Variants in KATNIP observed in about 807,000 individuals in gnomAD.
KATNIP encodes the protein katanin interacting protein, also known as katanin-interacting protein.
Under a neutral mutation model 174.0 loss-of-function variants are expected in KATNIP, and 126 were observed. The ratio of observed to expected loss-of-function variants is 0.72; its 90% CI spans 0.63 to 0.84. The LOEUF (loss-of-function observed/expected upper bound fraction) is 0.84, where lower values mean the gene tolerates loss of function less well. KATNIP is among the 40% of genes least tolerant of loss of function. The pLI is 0.00. For synonymous variants in KATNIP, 810 were observed against 835.7 expected, an observed-to-expected ratio of 0.97 and a Z score of 0.53; for missense variants, 1,958 against 2,109.7, an observed-to-expected ratio of 0.93 and a Z score of 1.41.
chr16:27,601,301 A>G (rs769867976), intron 2 of KATNIP, among the ~76,000 whole-genome samples: 6 of 152,054 alleles, frequency 3.9e-5, no homozygotes, highest in Non-Finnish European at 8.8e-5. Context: ...ATGAACAGAG[A>G]TACTTTCAGA....
intron 5 of KATNIP, among the ~76,000 whole-genome samples, chr16:27,647,542 G>A (rs1376885212): frequency 7.0e-6 from 1 of 143,300 alleles, no homozygotes; most frequent in Non-Finnish European, 1.5e-5. Context: ...TTTCGCTCTT[G>A]TTGCCCAGGC....
At chr16:27,633,040 G>T (rs2076536828) in intron 5 of KATNIP, among the ~76,000 whole-genome samples, 1 of 151,910 alleles carries the variant, frequency 6.6e-6, no homozygotes, top group Non-Finnish European at 1.5e-5. Context: ...ATGAGCCACC[G>T]CGCCCGGCCG....
chr16:27,663,027 T>C (rs1399481868), intron 6 of KATNIP, among the ~76,000 whole-genome samples: 1 of 152,060 alleles, frequency 6.6e-6, no homozygotes, highest in Non-Finnish European at 1.5e-5. Flanking sequence ...TTTCAGCTTA[T>C]TTCTGCTTTC....
At chr16:27,717,020 T>C (rs2079979213) in intron 13 of KATNIP, among the ~76,000 whole-genome samples, 1 of 152,160 alleles carries the variant, frequency 6.6e-6, no homozygotes, top group African/African-American at 2.4e-5. Context: ...ATTTTTGTAT[T>C]TTTAGTAGAG....
Position 27,648,751 on chromosome 16 carries a change from G to A in KATNIP, c.540+16G>A, listed in dbSNP as rs771196676. On this transcript the variant is annotated intron_variant, in intron 6 of 27. Coordinates refer to ENST00000261588, the MANE Select transcript of KATNIP (RefSeq NM_015202.5). ...TCGTCCGCAGGTAGGGATGGCCTTGGCCTTGTGCTCGGGACACCTGAAGGA... is the reference window on the plus strand; with the variant it reads ...TCGTCCGCAGGTAGGGATGGCCTTGACCTTGTGCTCGGGACACCTGAAGGA... The A allele has an allele frequency of 5.6e-6, 9 of 1,610,866 alleles. No individual in the cohort carries two copies. The highest frequency in any genetic ancestry group is 7.6e-6 in the Non-Finnish European group (9 of 1,178,604).
Position 27,754,289 on chromosome 16 carries a change from G to A in KATNIP, c.3631+38G>A, listed in dbSNP as rs748011231. On this transcript the variant is annotated intron_variant, in intron 18 of 27. Coordinates refer to ENST00000261588, the MANE Select transcript of KATNIP (RefSeq NM_015202.5). ...CCTGGAGCAGTGTTGGGTGGAAGGA[G>A]GACCTTCCAGGGACAGGGGGAGTTG... is the stretch of plus-strand genomic sequence containing the variant. The A allele has an allele frequency of 6.5e-6, 10 of 1,537,202 alleles. No individual in the cohort carries two copies. The African/African-American group carries it at 1.2e-4, about 19-fold the overall frequency.
At chr16:27,749,387 G>A (rs1456609066) in intron 15 of KATNIP, among the ~76,000 whole-genome samples, 197 bp from the exon 16 acceptor site, 2 of 152,170 alleles carry the variant, frequency 1.3e-5, no homozygotes, top group Non-Finnish European at 2.9e-5. Flanking sequence ...ATGGTAACAT[G>A]CCTGGCCCCA....
Position 27,572,362 on chromosome 16 carries a change from AACAC to A in KATNIP, c.8-1505_8-1502del, listed in dbSNP as rs3056269. 5.7e-3 allele frequency among the ~76,000 whole-genome samples: 785 copies of A among 138,138 alleles called. 8 individuals carry two copies. The highest frequency in any genetic ancestry group is 0.036 in the South Asian group (149 of 4,094). 90.6% of individuals were successfully genotyped at this position (138,138 alleles called of 152,430 possible). On this transcript the variant is annotated intron_variant, in intron 1 of 27. Coordinates refer to ENST00000261588, the MANE Select transcript of KATNIP (RefSeq NM_015202.5). ...TTCTTTGTCTTAAGGCAAAAAAGAAAACACACACACACACACACACACACACACA... is the reference window on the plus strand; with the variant it reads ...TTCTTTGTCTTAAGGCAAAAAAGAAAACACACACACACACACACACACACA...
intron 14 of KATNIP, among the ~76,000 whole-genome samples, chr16:27,724,884 G>A (rs975706945): frequency 2.0e-5 from 3 of 152,166 alleles, no homozygotes; most frequent in African/African-American, 7.2e-5. Context: ...ATCCAACCAG[G>A]GCTTATTTAG....
chr16:27,574,964 G>A (rs993481656), intron 2 of KATNIP, among the ~76,000 whole-genome samples: 24 of 150,936 alleles, frequency 1.6e-4, no homozygotes, highest in African/African-American at 5.3e-4. Flanking sequence ...CTTGAAATCC[G>A]CTACCTTCCC....
chr16:27,596,834 G>A (rs1044709103), intron 2 of KATNIP, among the ~76,000 whole-genome samples: 1 of 152,086 alleles, frequency 6.6e-6, no homozygotes, highest in African/African-American at 2.4e-5. Flanking sequence ...ACCAGCCTGG[G>A]CAACATGGTG....
rs1392937482 is a variant in KATNIP at position 27,648,702 on chromosome 16, C to A, written c.507C>A (p.Leu169=). The A allele has an allele frequency of 1.1e-5, 17 of 1,614,040 alleles. No homozygotes were observed. Among genetic ancestry groups the A allele is most frequent in the Non-Finnish European group, 1.4e-5 (16 of 1,180,038 alleles). Residue 169 remains leucine, a synonymous_variant, in exon 6 of 28, where the codon CTC becomes CTA. Coordinates refer to ENST00000261588, the MANE Select transcript of KATNIP (RefSeq NM_015202.5). ...TTGAGCTGTGTGGGGATGTGACTCT[C>A]CAGGCAAACAACACTTCTGAGGATC... ...DDFELCGDVT[L]QANNTSEDRP...
At chr16:27,560,459 T>C (rs1225850868) in intron 1 of KATNIP, among the ~76,000 whole-genome samples, 1 of 152,166 alleles carries the variant, frequency 6.6e-6, no homozygotes, top group East Asian at 1.9e-4. Flanking sequence ...CCCTTCTGGC[T>C]GGTGTTACCT....
intron 3 of KATNIP, among the ~76,000 whole-genome samples, chr16:27,627,295 G>A (rs564759322): frequency 5.9e-5 from 9 of 152,218 alleles, no homozygotes; most frequent in Admixed American, 1.3e-4. Context: ...TGGTGATTTC[G>A]TTGCTTAAAC....
At chr16:27,713,929 G>T (rs1597263999) in intron 13 of KATNIP, among the ~76,000 whole-genome samples, 1 of 143,980 alleles carries the variant, frequency 6.9e-6, no homozygotes, top group African/African-American at 2.6e-5. Flanking sequence ...TGGAAATAAA[G>T]CCCTGGTGTT....
chr16:27,616,685 C>T (rs1462239697), intron 2 of KATNIP, among the ~76,000 whole-genome samples: 4 of 151,584 alleles, frequency 2.6e-5, no homozygotes, highest in African/African-American at 9.7e-5. Flanking sequence ...TGAGATCGCG[C>T]CACTGCACTC....
At chr16:27,589,055 C>T (rs572853834) in intron 2 of KATNIP, among the ~76,000 whole-genome samples, 1 of 151,088 alleles carries the variant, frequency 6.6e-6, no homozygotes, top group South Asian at 2.1e-4. Flanking sequence ...CACCACCACT[C>T]CAGCTAATTT....
intron 20 of KATNIP, among the ~76,000 whole-genome samples, chr16:27,766,677 A>G (rs2082137072): frequency 1.3e-5 from 2 of 152,186 alleles, no homozygotes; most frequent in South Asian, 2.1e-4. Flanking sequence ...GGGCATTTCC[A>G]GGGAACTGCA....
At chr16:27,759,824 G>A (rs2081886495) in intron 18 of KATNIP, among the ~76,000 whole-genome samples, 1 of 152,236 alleles carries the variant, frequency 6.6e-6, no homozygotes, top group African/African-American at 2.4e-5. Context: ...GATGGGATGA[G>A]GGGCAAAATC....
Sources: allele counts gnomAD v4.1 joint callset (sites outside exome capture counted in the v4.1 genomes callset), GRCh38; gene constraint gnomAD v4.1.1; transcripts MANE v1.5; gene names NCBI Gene and HGNC (gene_info 2026-07-23, HGNC 2026-07-21).